Variants in STC2 observed in about 807,000 individuals in gnomAD.
The protein encoded by STC2 is stanniocalcin 2.
In STC2, 7 loss-of-function variants were observed where a neutral mutation model predicts 22.7. That is an observed-to-expected ratio of 0.31 (90% CI 0.18 to 0.58). The LOEUF is 0.58. Ranked by LOEUF, STC2 falls within the 20% of genes least tolerant of loss-of-function variation. The pLI, the probability that STC2 is intolerant of heterozygous loss-of-function variation, is 0.89. For synonymous variants in STC2, 158 were observed against 163.4 expected, an observed-to-expected ratio of 0.97 and a Z score of 0.25; for missense variants, 336 against 406.2, an observed-to-expected ratio of 0.83 and a Z score of 1.48.
At chr5:173,319,956 C>T (rs1007409948) in intron 3 of STC2, among the ~76,000 whole-genome samples, 3 of 152,226 alleles carry the variant, frequency 2.0e-5, no homozygotes, top group Admixed American at 6.5e-5. Flanking sequence ...GGCAGGTGGG[C>T]ATGCAGGAGG....
rs762071344 is a variant in STC2, at chr5:173,318,168, C to T, written c.588G>A (p.Gln196=). The T allele has an allele frequency of 6.3e-7, 1 of 1,596,782 alleles. No homozygotes were observed. The highest frequency in any genetic ancestry group is 8.5e-7 in the Non-Finnish European group (1 of 1,171,822). ...ACAGGCTTCCCCAGTTCTGCTCACA[C>T]TGAACCTGCACGCTGTGGGTGATGG... is the stretch of plus-strand genomic sequence containing the variant. ...KEAITHSVQV[Q]CEQNWGSLCS... The change falls in exon 4 of 4, where the codon CAG becomes CAA. Residue 196 remains glutamine, a synonymous_variant. Transcript: ENST00000265087.
intron 3 of STC2, among the ~76,000 whole-genome samples, chr5:173,320,286 G>A (rs1278034246): frequency 6.6e-6 from 1 of 152,234 alleles, no homozygotes; most frequent in Non-Finnish European, 1.5e-5. Context: ...CAGAAGCCCA[G>A]GGCGGATCTG....
rs551719913 is a variant in STC2 at position 173,323,177 on chromosome 5, G to C, written c.506+42C>G. On this transcript the variant is annotated intron_variant, in intron 3 of 3. Coordinates refer to ENST00000265087, the MANE Select transcript of STC2 (RefSeq NM_003714.3). This position sits in a 1 kb window ranked among gnomAD's most constrained non-coding sequence, Gnocchi z 5.4. ...TCCCATACACATTGCCATCCTTGCT[G>C]GGTGGCCCCTTCACCCAGGCCCTCT... 479 of 1,600,942 alleles carry C rather than the reference G, an allele frequency of 3.0e-4. 6 individuals carry two copies. In the South Asian group the frequency reaches 4.9e-3, roughly 16 times the overall value.
chr5:173,322,080 G>C (rs1458130348), intron 3 of STC2, among the ~76,000 whole-genome samples: 1 of 152,208 alleles, frequency 6.6e-6, no homozygotes, highest in Non-Finnish European at 1.5e-5. Context: ...GCTGTTCTCT[G>C]TCATCTAAGT....
chr5:173,317,851 C>G lies in STC2; in HGVS notation c.905G>C (p.Arg302Thr). 6.4e-7 allele frequency: 1 copy of G among 1,556,216 alleles called. No individual in the cohort carries two copies. Among genetic ancestry groups the G allele is most frequent in the Non-Finnish European group, 8.7e-7 (1 of 1,146,308 alleles). ...DEQSEYSDIRR is the reference protein window; with the variant it reads ...DEQSEYSDIRT ...TTCGTGGCCAGGCCTTTCATTTCAC[C>G]TCCGGATATCAGAATACTCAGACTG... Residue 302 changes from arginine (R) to threonine (T), a missense_variant, in exon 4 of 4, where the codon AGG (arginine) becomes ACG (threonine). This residue lies in a region of STC2 where 215 missense variants were observed against 231.5 expected (regional missense o/e 0.93). Transcript: ENST00000265087.
chr5:173,320,596 C>T lies in STC2; in HGVS notation c.507-2347G>A, dbSNP rs114203925. On this transcript the variant is annotated intron_variant, in intron 3 of 3. Coordinates refer to ENST00000265087, the MANE Select transcript of STC2 (RefSeq NM_003714.3). The stretch of plus-strand genomic sequence containing the variant: ...GCGAGTGGGGGTAAAACCAGGCAGG[C>T]GGCAGCTAGGGGGAGACAGATGCTG... Among the ~76,000 whole-genome samples, 176 of 150,172 alleles carry T rather than the reference C, an allele frequency of 1.2e-3. 3 individuals are homozygous for T. The highest frequency in any genetic ancestry group is 4.2e-3 in the African/African-American group (172 of 40,650).
At chr5:173,324,308 G>C (rs1326391485) in intron 2 of STC2, 1 of 152,294 alleles carries the variant, frequency 6.6e-6, no homozygotes, top group Non-Finnish European at 1.5e-5. Context: ...GCAGCCCGGA[G>C]GCATTGTGGG....
In STC2 at chr5:173,325,011, G is replaced by A. The variant is rs1421608534; in HGVS notation, c.294+857C>T. On this transcript the variant is annotated intron_variant, in intron 2 of 3. Transcript: ENST00000265087. This position sits in a 1 kb window ranked among gnomAD's most constrained non-coding sequence, Gnocchi z 4.7. ...TGCTTTGTCAGGCTCACTACTATATGTCAGTGGATGGGGACTGGTGACATC... is the reference window on the plus strand; with the variant it reads ...TGCTTTGTCAGGCTCACTACTATATATCAGTGGATGGGGACTGGTGACATC... 2.0e-5 allele frequency among the ~76,000 whole-genome samples: 3 copies of A among 152,196 alleles called. No homozygotes were observed. Among genetic ancestry groups the A allele is most frequent in the African/African-American group, 7.2e-5 (3 of 41,452 alleles).
In STC2 at chr5:173,323,204, C is replaced by T. The variant is rs368410942; in HGVS notation, c.506+15G>A. 48 of 1,613,672 alleles carry T rather than the reference C, an allele frequency of 3.0e-5. 2 individuals carry two copies. Among genetic ancestry groups the T allele is most frequent in the South Asian group, 2.6e-4 (24 of 91,058 alleles). On this transcript the variant is annotated intron_variant, in intron 3 of 3. Coordinates refer to ENST00000265087, the MANE Select transcript of STC2 (RefSeq NM_003714.3). This position sits in a 1 kb window ranked among gnomAD's most constrained non-coding sequence, Gnocchi z 5.4. ...GTGGCCCCTTCACCCAGGCCCTCTGCGGGGCAGTACTCACTCGTGCAGCAG... is the reference window on the plus strand; with the variant it reads ...GTGGCCCCTTCACCCAGGCCCTCTGTGGGGCAGTACTCACTCGTGCAGCAG...
At position 173,323,544 on chromosome 5, in the gene STC2, A is replaced by T; in HGVS notation, c.295-114T>A. 1 of 1,040,846 alleles carries T rather than the reference A, an allele frequency of 9.6e-7. No homozygotes were observed. Among genetic ancestry groups the T allele is most frequent in the Non-Finnish European group, 1.4e-6 (1 of 710,836 alleles). The allele number at this position is 1,040,846 out of a possible 1,614,324, so 64.5% of individuals were successfully genotyped here. A position where few individuals can be genotyped will look rare whatever the true frequency, so the allele number is the denominator to read the frequency against. On this transcript the variant is annotated intron_variant, in intron 2 of 3. Coordinates refer to ENST00000265087, the MANE Select transcript of STC2 (RefSeq NM_003714.3). The surrounding 1 kb of genome is among the most constrained non-coding windows in gnomAD (Gnocchi z 5.4). ...TACACAGGATATTTCTGACATCAGAACCCCAAGGCCCCACCAGAGACGGAC... is the reference window on the plus strand; with the variant it reads ...TACACAGGATATTTCTGACATCAGATCCCCAAGGCCCCACCAGAGACGGAC...
rs1310262686 is a variant in STC2 at position 173,328,122 on chromosome 5, C to G, written c.72G>C (p.Gly24=). The G allele has an allele frequency of 1.9e-6, 3 of 1,601,872 alleles. No homozygotes were observed. The highest frequency in any genetic ancestry group is 2.3e-5 in the East Asian group (1 of 43,768). ...CCTCGGGTGGGTTGGTGGCGTCGGT[C>G]CCCCGCGCCGGGTCAAAGGTGGCCA... The part of the protein sequence containing the change: ...LVLATFDPAR[G]TDATNPPEGP... Residue 24 remains glycine (G), a synonymous_variant, in exon 1 of 4, where the codon GGG becomes GGC. Coordinates refer to ENST00000265087, the MANE Select transcript of STC2 (RefSeq NM_003714.3).
chr5:173,321,051 C>T (rs979453886), intron 3 of STC2, among the ~76,000 whole-genome samples: 68 of 151,944 alleles, frequency 4.5e-4, no homozygotes, highest in Non-Finnish European at 2.6e-4. Context: ...TAGGGGGAAG[C>T]AAGAGGAACA....
chr5:173,322,824 C>A (rs1010137124), intron 3 of STC2: 4 of 236,962 alleles, frequency 1.7e-5, no homozygotes, highest in Non-Finnish European at 3.4e-5. Context: ...TAGCCCAGTG[C>A]CTGGCGCTTA....
At position 173,323,151 on chromosome 5, in the gene STC2, C is replaced by T; in HGVS notation, c.506+68G>A. 6.6e-7 allele frequency: 1 copy of T among 1,510,794 alleles called. No individual in the cohort carries two copies. The highest frequency in any genetic ancestry group is 1.1e-5 in the South Asian group (1 of 87,784). The allele number at this position is 1,510,794 out of a possible 1,614,324, so 93.6% of individuals were successfully genotyped here. On this transcript the variant is annotated intron_variant, in intron 3 of 3. Coordinates refer to ENST00000265087, the MANE Select transcript of STC2 (RefSeq NM_003714.3). This position sits in a 1 kb window ranked among gnomAD's most constrained non-coding sequence, Gnocchi z 5.4. ...AGCCTCTAGAAGCAACGCGGCTCTC[C>T]TCCCATACACATTGCCATCCTTGCT...
chr5:173,318,114 G>T lies in STC2; in HGVS notation c.642C>A (p.Ala214=), dbSNP rs1172926380. Residue 214 remains alanine, a synonymous_variant, in exon 4 of 4, where the codon GCC becomes GCA. Coordinates refer to ENST00000265087, the MANE Select transcript of STC2 (RefSeq NM_003714.3). ...GGGGCGCCGTGGGAGGCTTCTGGAT[G>T]GCCGAGGTGCAGAAGCTCAAGATGG... ...LCSILSFCTS[A]IQKPPTAPPE... The T allele has an allele frequency of 6.2e-7, 1 of 1,610,322 alleles. No homozygotes were observed. Among genetic ancestry groups the T allele is most frequent in the Non-Finnish European group, 8.5e-7 (1 of 1,178,668 alleles).
rs1762506446 is a variant in STC2, at chr5:173,323,211, G to T, written c.506+8C>A. 6.2e-7 allele frequency: 1 copy of T among 1,614,014 alleles called. No individual in the cohort carries two copies. The highest frequency in any genetic ancestry group is 1.3e-5 in the African/African-American group (1 of 74,924). On this transcript the variant is annotated splice_region_variant and intron_variant, in intron 3 of 3. Coordinates refer to ENST00000265087, the MANE Select transcript of STC2 (RefSeq NM_003714.3). This position sits in a 1 kb window ranked among gnomAD's most constrained non-coding sequence, Gnocchi z 5.4. ...CTTCACCCAGGCCCTCTGCGGGGCA[G>T]TACTCACTCGTGCAGCAGCAAGTCC... is the stretch of plus-strand genomic sequence containing the variant.
chr5:173,317,748 G>T lies in STC2; in HGVS notation c.*99C>A. The T allele has an allele frequency of 7.0e-7, 1 of 1,431,304 alleles. No individual in the cohort carries two copies. Among genetic ancestry groups the T allele is most frequent in the Non-Finnish European group, 9.3e-7 (1 of 1,073,874 alleles). The allele number at this position is 1,431,304 out of a possible 1,614,324, so 88.7% of individuals were successfully genotyped here. On this transcript the variant is annotated 3_prime_UTR_variant, in exon 4 of 4. Coordinates refer to ENST00000265087, the MANE Select transcript of STC2 (RefSeq NM_003714.3). ...GTCCACAGTCCCCACAGAATCCTGC[G>T]TGTGACATCCCCCCTCTCTAATGGT...
intron 1 of STC2, chr5:173,326,560 G>C (rs1270944470): frequency 6.6e-6 from 1 of 152,670 alleles, no homozygotes; most frequent in Admixed American, 6.5e-5. Context: ...TATTAAGGCA[G>C]TGCCTCCCAA....
Position 173,325,854 on chromosome 5 carries a change from G to C in STC2, c.294+14C>G. On this transcript the variant is annotated intron_variant, in intron 2 of 3. Coordinates refer to ENST00000265087, the MANE Select transcript of STC2 (RefSeq NM_003714.3). The surrounding 1 kb of genome is among the most constrained non-coding windows in gnomAD (Gnocchi z 4.7). ...TCACCCCAAACATTCTTCATGCTCT[G>C]GATGGATTTTTACCTGGGCATCAAA... 6.2e-7 allele frequency: 1 copy of C among 1,614,094 alleles called. No homozygotes were observed. Among genetic ancestry groups the C allele is most frequent in the African/African-American group, 1.3e-5 (1 of 75,032 alleles).
Sources: gnomAD v4.1 joint callset for allele counts (sites outside exome capture counted in the v4.1 genomes callset) on GRCh38, gnomAD v4.1.1 for gene constraint, gnomAD v4.1.1 regional missense constraint, Gnocchi (gnomAD v3.1) non-coding constraint, MANE v1.5 for transcripts, NCBI Gene and HGNC (gene_info 2026-07-23, HGNC 2026-07-21) for gene names.